NT5DC1: variants seen among roughly 807,000 people sequenced by gnomAD.
NT5DC1 encodes 5'-nucleotidase domain-containing protein 1.
A neutral mutation model predicts 59.4 loss-of-function variants in NT5DC1; 42 were observed. The observed-to-expected ratio is 0.71, with a 90% CI of 0.55 to 0.92. The LOEUF (loss-of-function observed/expected upper bound fraction) is 0.92. Ranked by LOEUF, NT5DC1 falls within the 40% of genes least tolerant of loss-of-function variation. NT5DC1 has a pLI of 0.00. For synonymous variants in NT5DC1, 172 were observed against 188.1 expected (o/e 0.91, Z 0.70); for missense variants, 501 against 537.1 (o/e 0.93, Z 0.66).
chr6:116,204,688 G>GA (rs1429846749), intron 6 of NT5DC1, among the ~76,000 whole-genome samples: 1 of 151,822 alleles, frequency 6.6e-6, no homozygotes. Context: ...AATTTATAAT[G>GA]AAAAAAATCA....
At chr6:116,135,108 A>G (rs913526413) in intron 6 of NT5DC1, among the ~76,000 whole-genome samples, 7 of 152,184 alleles carry the variant, frequency 4.6e-5, no homozygotes, top group Non-Finnish European at 8.8e-5. Context: ...AATATATTAT[A>G]TGCCAGGAAA....
intron 4 of NT5DC1, 103 bp from the exon 5 acceptor site, chr6:116,115,588 A>G: frequency 1.9e-6 from 1 of 522,592 alleles, no homozygotes; most frequent in Non-Finnish European, 3.5e-6. Context: ...AGGCTTCTTC[A>G]GATAATTAAA....
intron 6 of NT5DC1, among the ~76,000 whole-genome samples, chr6:116,217,685 GA>G (rs996640140): frequency 1.3e-5 from 2 of 151,922 alleles, no homozygotes; most frequent in African/African-American, 4.8e-5. Context: ...TGAATGTAAG[GA>G]AACATAAATG....
chr6:116,240,591 A>G (rs1164715839), intron 11 of NT5DC1, among the ~76,000 whole-genome samples: 1 of 152,232 alleles, frequency 6.6e-6, no homozygotes, highest in Non-Finnish European at 1.5e-5. Context: ...GGAAAAAAAT[A>G]AGCCAAAGGT....
chr6:116,217,318 C>G (rs914266731), intron 6 of NT5DC1, among the ~76,000 whole-genome samples: 4 of 152,064 alleles, frequency 2.6e-5, no homozygotes, highest in African/African-American at 4.8e-5. Context: ...GAGAGCTAAA[C>G]TTTTATTCCT....
At position 116,115,671 on chromosome 6, in the gene NT5DC1, A is replaced by G. The variant is rs768881113; in HGVS notation, c.365-20A>G. 7.6e-7 allele frequency: 1 copy of G among 1,307,294 alleles called. No individual in the cohort carries two copies. Among genetic ancestry groups the G allele is most frequent in the Non-Finnish European group, 1.1e-6 (1 of 901,282 alleles). The allele number at this position is 1,307,294 out of a possible 1,614,324, so 81.0% of individuals were successfully genotyped here. Reference sequence around the variant, plus strand: ...TGCAGCATTATGTTGTTCCCAGTTTAAAATTTTGTTCTTTTTTAGGAAAGT... The same window carrying G: ...TGCAGCATTATGTTGTTCCCAGTTTGAAATTTTGTTCTTTTTTAGGAAAGT... On this transcript the variant is annotated intron_variant, in intron 4 of 11. Transcript: ENST00000319550.
At chr6:116,162,600 A>G (rs1005681357) in intron 6 of NT5DC1, among the ~76,000 whole-genome samples, 2 of 152,274 alleles carry the variant, frequency 1.3e-5, no homozygotes, top group African/African-American at 4.8e-5. Flanking sequence ...ATGTTGAACC[A>G]TCCTTGTGTT....
chr6:116,140,153 G>C (rs1582829067), intron 6 of NT5DC1, among the ~76,000 whole-genome samples: 1 of 152,124 alleles, frequency 6.6e-6, no homozygotes, highest in African/African-American at 2.4e-5. Flanking sequence ...AGGCTACTTT[G>C]GCATTTTTCC....
chr6:116,124,000 T>C (rs1008028610), intron 6 of NT5DC1, among the ~76,000 whole-genome samples: 1 of 152,200 alleles, frequency 6.6e-6, no homozygotes, highest in Non-Finnish European at 1.5e-5. Flanking sequence ...ATTGTGTTTG[T>C]TGCTTCAAGT....
At position 116,123,437 on chromosome 6, in the gene NT5DC1, A is replaced by G. The variant is rs57868643; in HGVS notation, c.529+5492A>G. Among the ~76,000 whole-genome samples, 301 of 152,314 alleles carry G rather than the reference A, an allele frequency of 2.0e-3. 1 individual carries two copies. The highest frequency in any genetic ancestry group is 7.1e-3 in the African/African-American group (295 of 41,570). On this transcript the variant is annotated intron_variant, in intron 6 of 11. Coordinates refer to ENST00000319550, the MANE Select transcript of NT5DC1 (RefSeq NM_152729.3). ...GCACAATCCTCAAGGTAAAACGACT[A>G]CTTCCTTCTATTAAGTTTTTTAAAT...
chr6:116,175,858 T>C (rs1387657995), intron 6 of NT5DC1, among the ~76,000 whole-genome samples: 1 of 152,208 alleles, frequency 6.6e-6, no homozygotes, highest in Non-Finnish European at 1.5e-5. Flanking sequence ...TCTTAGTCAT[T>C]TTTAAGTCCC....
intron 6 of NT5DC1, among the ~76,000 whole-genome samples, chr6:116,157,052 C>T (rs150319866): frequency 2.7e-3 from 410 of 152,260 alleles, no homozygotes; most frequent in Non-Finnish European, 4.4e-3. Context: ...GCCTCCCTTC[C>T]ACCAAATAGA....
intron 8 of NT5DC1, among the ~76,000 whole-genome samples, chr6:116,231,054 C>T (rs1042720272): frequency 3.3e-4 from 47 of 142,564 alleles, no homozygotes; most frequent in African/African-American, 9.7e-4. Context: ...TGCAGTGAGC[C>T]GAGATAGCGC....
chr6:116,241,550 G>A (rs1446898068), intron 11 of NT5DC1, among the ~76,000 whole-genome samples: 2 of 152,196 alleles, frequency 1.3e-5, no homozygotes, highest in Non-Finnish European at 2.9e-5. Context: ...AGAGAATTGT[G>A]ATGATATACA....
At chr6:116,210,297 A>C (rs1178428890) in intron 6 of NT5DC1, among the ~76,000 whole-genome samples, 1 of 151,984 alleles carries the variant, frequency 6.6e-6, no homozygotes, top group Non-Finnish European at 1.5e-5. Flanking sequence ...AATTTATCCA[A>C]ATTCTGAACT....
rs116255778 is a variant in NT5DC1 at position 116,146,211 on chromosome 6, G to A, written c.529+28266G>A. Among the ~76,000 whole-genome samples the A allele has an allele frequency of 5.8e-3, 889 of 152,326 alleles. 4 individuals are homozygous for A. The highest frequency in any genetic ancestry group is 0.02 in the African/African-American group (851 of 41,568). On this transcript the variant is annotated intron_variant, in intron 6 of 11. Transcript: ENST00000319550. ...CCTGGGGATATGATAAAGGAATATA[G>A]ATAACCTGAGATTTAAGTCCATTGT...
chr6:116,101,068 G>A (rs936192280), intron 1 of NT5DC1, 45 bp downstream of exon 1: 1 of 1,397,740 alleles, frequency 7.2e-7, no homozygotes, highest in Admixed American at 1.8e-5. Context: ...AACCTCCATG[G>A]CGGCTGGGGC....
chr6:116,159,424 T>C (rs1469693779), intron 6 of NT5DC1, among the ~76,000 whole-genome samples: 2 of 152,208 alleles, frequency 1.3e-5, no homozygotes, highest in Non-Finnish European at 2.9e-5. Context: ...TACCCATTCC[T>C]TTGTTCTTTA....
chr6:116,117,028 C>A (rs988413490), intron 5 of NT5DC1, among the ~76,000 whole-genome samples: 2 of 152,144 alleles, frequency 1.3e-5, no homozygotes, highest in African/African-American at 4.8e-5. Context: ...GAACCTCATT[C>A]ATCTCTTCTG....
Sources: allele counts gnomAD v4.1 joint callset (sites outside exome capture counted in the v4.1 genomes callset), GRCh38; gene constraint gnomAD v4.1.1; transcripts MANE v1.5; gene names NCBI Gene and HGNC (gene_info 2026-07-23, HGNC 2026-07-21).